The following ANO10 variants were observed in gnomAD, a reference collection of about 807,000 sequenced individuals.
The protein encoded by ANO10 is anoctamin-10.
ANO10 carries 77 observed loss-of-function variants against 74.7 expected under a neutral mutation model. That is an observed-to-expected ratio of 1.03 (90% confidence interval 0.86 to 1.25). The LOEUF (loss-of-function observed/expected upper bound fraction) is 1.25, where lower values mean the gene tolerates loss of function less well. ANO10 is among the 50% of genes most tolerant of loss of function. The probability of loss-of-function intolerance (pLI) is 0.00; values close to 1 mark genes in which losing one functional copy is unlikely to be tolerated. For synonymous variants in ANO10, 279 were observed against 284.9 expected, an observed-to-expected ratio of 0.98 and a Z score of 0.21; for missense variants, 721 against 778.1, an observed-to-expected ratio of 0.93 and a Z score of 0.87.
At chr3:43,576,639 G>A (rs2081006851) in intron 6 of ANO10, 53 bp downstream of exon 6, 1 of 1,573,762 alleles carries the variant, frequency 6.4e-7, no homozygotes, top group Admixed American at 1.7e-5. Flanking sequence ...CCATGATCTA[G>A]GCAACATTTC....
At chr3:43,486,607 C>T (rs530228010) in intron 11 of ANO10, among the ~76,000 whole-genome samples, 2,940 of 140,802 alleles carry the variant, frequency 0.021, 33 homozygotes, top group Middle Eastern at 0.057. Context: ...GGCTCTCTGT[C>T]TGTTGTTGGT....
chr3:43,441,930 G>C (rs559166579), intron 11 of ANO10, among the ~76,000 whole-genome samples: 2 of 152,148 alleles, frequency 1.3e-5, no homozygotes, highest in South Asian at 2.1e-4. Flanking sequence ...TGCAAAAAAA[G>C]TATACGACAA....
intron 1 of ANO10, among the ~76,000 whole-genome samples, chr3:43,651,784 T>A (rs972300520): frequency 6.6e-6 from 1 of 152,204 alleles, no homozygotes; most frequent in Admixed American, 6.5e-5. Flanking sequence ...TTTGTACCAG[T>A]GTTTTTTAGT....
chr3:43,474,230 A>G (rs781645631), intron 11 of ANO10, among the ~76,000 whole-genome samples: 1 of 143,614 alleles, frequency 7.0e-6, no homozygotes, highest in African/African-American at 2.5e-5. Context: ...CCCAACCCCA[A>G]TTTCTTCCTT....
rs548533804 is a variant in ANO10, at chr3:43,421,445, A to G, written c.1914+11166T>C. On this transcript the variant is annotated intron_variant, in intron 12 of 12. Coordinates refer to ENST00000292246, the MANE Select transcript of ANO10 (RefSeq NM_018075.5). ...GGGACTGAGGCAGGAAGATCATTTG[A>G]GCCTGGGAGGTCGAGGCTGCAGTGA... is the stretch of plus-strand genomic sequence containing the variant. Among the ~76,000 whole-genome samples the G allele has an allele frequency of 1.2e-4, 19 of 152,296 alleles. No homozygotes were observed. The South Asian group carries it at 3.9e-3, about 32-fold the overall frequency.
intron 1 of ANO10, among the ~76,000 whole-genome samples, chr3:43,667,888 C>A (rs1057236226): frequency 2.0e-5 from 3 of 152,098 alleles, no homozygotes; most frequent in Non-Finnish European, 4.4e-5. Flanking sequence ...AATTGCCAAT[C>A]ATGGAGAAAC....
At chr3:43,401,069 T>A (rs1044461113) in intron 12 of ANO10, among the ~76,000 whole-genome samples, 1 of 152,222 alleles carries the variant, frequency 6.6e-6, no homozygotes, top group Non-Finnish European at 1.5e-5. Context: ...CAGTACTTGG[T>A]AGTAGTACAT....
intron 1 of ANO10, among the ~76,000 whole-genome samples, chr3:43,641,165 T>C (rs971367141): frequency 2.0e-5 from 3 of 152,240 alleles, no homozygotes; most frequent in Non-Finnish European, 4.4e-5. Context: ...GTTGCTCTTA[T>C]TCATTGTCAT....
chr3:43,469,870 G>A (rs1424360430), intron 11 of ANO10, among the ~76,000 whole-genome samples: 2 of 152,116 alleles, frequency 1.3e-5, no homozygotes, highest in Admixed American at 6.5e-5. Flanking sequence ...GAAGCTCCAC[G>A]AGGCAAGGAA....
intron 11 of ANO10, among the ~76,000 whole-genome samples, chr3:43,448,024 G>C (rs942795816): frequency 6.6e-6 from 1 of 152,154 alleles, no homozygotes; most frequent in Non-Finnish European, 1.5e-5. Flanking sequence ...GTTTAGACAA[G>C]GTCATAAGGA....
chr3:43,617,927 A>C (rs2083200022), intron 1 of ANO10: 1 of 152,238 alleles, frequency 6.6e-6, no homozygotes, highest in Non-Finnish European at 1.5e-5. Context: ...GATGAGAGGA[A>C]TCTCCATAGG....
At chr3:43,523,158 T>G (rs544468330) in intron 11 of ANO10, among the ~76,000 whole-genome samples, 1 of 152,250 alleles carries the variant, frequency 6.6e-6, no homozygotes, top group African/African-American at 2.4e-5. Flanking sequence ...ACCTGTCAAC[T>G]TAAGCTAAGT....
chr3:43,510,525 G>A (rs2077471270), intron 11 of ANO10, among the ~76,000 whole-genome samples: 1 of 151,578 alleles, frequency 6.6e-6, no homozygotes, highest in South Asian at 2.1e-4. Context: ...TTGTATCATT[G>A]TAAATATACT....
chr3:43,401,221 A>G (rs533618592), intron 12 of ANO10, among the ~76,000 whole-genome samples: 1 of 152,316 alleles, frequency 6.6e-6, no homozygotes, highest in South Asian at 2.1e-4. Flanking sequence ...TTTATGAAGG[A>G]CGTGCTAGGG....
chr3:43,431,937 G>A (rs1247854879), intron 12 of ANO10, among the ~76,000 whole-genome samples: 1 of 152,072 alleles, frequency 6.6e-6, no homozygotes, highest in Non-Finnish European at 1.5e-5. Context: ...ATGTGTCCAG[G>A]AGGTTCTGCC....
At position 43,683,677 on chromosome 3, in the gene ANO10, C is replaced by A. The variant is rs538163372; in HGVS notation, c.-12+7840G>T. On this transcript the variant is annotated intron_variant, in intron 1 of 3. Coordinates refer to the ANO10 transcript ENST00000413397. ...AGGCATCATGCTACCTGACCTCAAA[C>A]TATACTACAAGGCTACAGTAACCAA... 1.6e-4 allele frequency among the ~76,000 whole-genome samples: 25 copies of A among 152,320 alleles called. No homozygotes were observed. In the South Asian group the frequency reaches 5.0e-3, roughly 30 times the overall value.
intron 11 of ANO10, among the ~76,000 whole-genome samples, chr3:43,517,126 G>C (rs957087843): frequency 2.0e-5 from 3 of 152,120 alleles, no homozygotes; most frequent in African/African-American, 7.2e-5. Flanking sequence ...ATTTTTTTCA[G>C]TATCCAATCA....
intron 11 of ANO10, among the ~76,000 whole-genome samples, chr3:43,495,058 G>A (rs768036114): frequency 6.6e-5 from 10 of 151,622 alleles, no homozygotes; most frequent in Non-Finnish European, 1.3e-4. Context: ...ATATGGATTG[G>A]CTCAAAAACA....
intron 1 of ANO10, among the ~76,000 whole-genome samples, chr3:43,663,919 A>C (rs1287198683): frequency 6.6e-6 from 1 of 152,042 alleles, no homozygotes. Flanking sequence ...ATGCTCATGG[A>C]TAGGAAGAAT....
Sources: allele counts gnomAD v4.1 joint callset (sites outside exome capture counted in the v4.1 genomes callset), GRCh38; gene constraint gnomAD v4.1.1; transcripts MANE v1.5; gene names NCBI Gene and HGNC (gene_info 2026-07-23, HGNC 2026-07-21).